Variants in CLCA4 observed in about 807,000 individuals in gnomAD.
CLCA4 encodes the protein calcium-activated chloride channel regulator 4.
CLCA4 carries 69 observed loss-of-function variants against 78.9 expected under a neutral mutation model. The observed-to-expected ratio is 0.87, with a 90% CI of 0.72 to 1.07. The LOEUF is 1.07. Among genes scored for constraint, CLCA4 ranks in the 50% least tolerant of loss-of-function variants. The pLI, the probability that CLCA4 is intolerant of heterozygous loss-of-function variation, is 0.00. For synonymous variants in CLCA4, 362 were observed against 375.8 expected (o/e 0.96, Z 0.42); for missense variants, 1,133 against 1,095.8 (o/e 1.03, Z -0.48).
Position 86,549,136 on chromosome 1 carries a change from G to C in CLCA4, c.159+1858G>C, listed in dbSNP as rs369937586. 2.6e-5 allele frequency among the ~76,000 whole-genome samples: 4 copies of C among 152,246 alleles called. No homozygotes were observed. The East Asian group carries it at 7.7e-4, about 29-fold the overall frequency. ...TGGAGTAAAACAAATCAGGAAGGGGGATATGGAGTGTTAGGTGGGGCTGGA... is the reference window on the plus strand; with the variant it reads ...TGGAGTAAAACAAATCAGGAAGGGGCATATGGAGTGTTAGGTGGGGCTGGA... On this transcript the variant is annotated intron_variant, in intron 1 of 13. Coordinates refer to ENST00000370563, the MANE Select transcript of CLCA4 (RefSeq NM_012128.4).
chr1:86,572,778 T>C (rs956207891), intron 9 of CLCA4, 58 bp downstream of exon 9: 4 of 985,654 alleles, frequency 4.1e-6, no homozygotes, highest in Non-Finnish European at 6.6e-6. Flanking sequence ...AAAAAACCAT[T>C]TGGTGGTTAT....
intron 9 of CLCA4, chr1:86,572,946 C>A: frequency 2.0e-6 from 1 of 503,956 alleles, no homozygotes; most frequent in South Asian, 2.2e-5. Flanking sequence ...TTTCCTATTG[C>A]CATGGGTTTG....
chr1:86,575,200 C>T, intron 10 of CLCA4, 132 bp from the exon 11 acceptor site: 1 of 755,450 alleles, frequency 1.3e-6, no homozygotes, highest in Non-Finnish European at 2.1e-6. Flanking sequence ...CAGCCCTTAC[C>T]CATTTATCCT....
rs1650685898 is a variant in CLCA4, at chr1:86,580,465, T to A, written c.*120T>A. 2 of 680,390 alleles carry A rather than the reference T, an allele frequency of 2.9e-6. No individual in the cohort carries two copies. Among genetic ancestry groups the A allele is most frequent in the Non-Finnish European group, 2.1e-6 (1 of 467,898 alleles). The allele number at this position is 680,390 out of a possible 1,614,324, so 42.1% of individuals were successfully genotyped here. On this transcript the variant is annotated 3_prime_UTR_variant, in exon 14 of 14. Transcript: ENST00000370563. ...CATCCCATGTGTGATCATAAACTCA[T>A]AAAAATAATTTTAAGATGTCGGAAA... is the stretch of plus-strand genomic sequence containing the variant.
intron 3 of CLCA4, among the ~76,000 whole-genome samples, chr1:86,561,080 GT>G (rs1650003005): frequency 1.3e-5 from 2 of 152,124 alleles, no homozygotes; most frequent in East Asian, 3.9e-4. Flanking sequence ...TTGAACACTC[GT>G]TAAGTCTCTT....
chr1:86,566,647 G>A (rs1452874496), intron 6 of CLCA4, among the ~76,000 whole-genome samples: 1 of 152,030 alleles, frequency 6.6e-6, no homozygotes, highest in African/African-American at 2.4e-5. Context: ...GCAGATAGTG[G>A]AGACAGCATG....
chr1:86,575,568 A>G lies in CLCA4; in HGVS notation c.1920A>G (p.Thr640=), dbSNP rs1042526455. The change falls in exon 11 of 14, where the codon ACA becomes ACG. Residue 640 remains threonine, a synonymous_variant. Transcript: ENST00000370563. ...TCATTGAATCACAGAATGGACATACAGAAGTTTTGGAACTTTTGGATAATG... is the reference window on the plus strand; with the variant it reads ...TCATTGAATCACAGAATGGACATACGGAAGTTTTGGAACTTTTGGATAATG... ...TAFIESQNGH[T]EVLELLDNGA... is the part of the protein sequence containing the mutation. The G allele has an allele frequency of 3.1e-6, 5 of 1,612,948 alleles. No homozygotes were observed. The Admixed American group carries it at 5.0e-5, about 16-fold the overall frequency.
intron 9 of CLCA4, 50 bp from the exon 10 acceptor site, chr1:86,574,490 A>G: frequency 1.4e-6 from 2 of 1,448,950 alleles, no homozygotes; most frequent in Non-Finnish European, 1.9e-6. Flanking sequence ...TGAAAAAAGA[A>G]TAAAATTACT....
chr1:86,564,242 T>G (rs2101802839), intron 4 of CLCA4, among the ~76,000 whole-genome samples: 1 of 152,304 alleles, frequency 6.6e-6, no homozygotes, highest in South Asian at 2.1e-4. Context: ...CTTTTGATTC[T>G]GTGATCAAAA....
chr1:86,552,174 G>GA (rs201245648), intron 1 of CLCA4, among the ~76,000 whole-genome samples: 3,238 of 152,154 alleles, frequency 0.021, 44 homozygotes, highest in Non-Finnish European at 0.032. Context: ...GAAAATAGCT[G>GA]AAAAAATCTA....
chr1:86,552,694 G>C (rs1242213775), intron 1 of CLCA4: 3 of 1,167,170 alleles, frequency 2.6e-6, no homozygotes, highest in African/African-American at 1.5e-5. Flanking sequence ...TGGGGCACGG[G>C]GTGACCGGAG....
chr1:86,574,714 A>C lies in CLCA4; in HGVS notation c.1642A>C (p.Thr548Pro). 6.2e-7 allele frequency: 1 copy of C among 1,613,292 alleles called. No individual in the cohort carries two copies. The change falls in exon 10 of 14, where the codon ACT becomes CCT. Residue 548 changes from threonine (T) to proline (P), a missense_variant. By Grantham distance (38) the Thr-to-Pro change is conservative (BLOSUM62 -1). Transcript: ENST00000370563. ...AATGGAAAATTTCACAGTGGATGCA[A>C]CTTCCAAAATGGCCTATCTCAGTAT... ...TIMENFTVDATSKMAYLSIPG... is the reference protein window; with the variant it reads ...TIMENFTVDAPSKMAYLSIPG...
chr1:86,562,093 C>T (rs1286360602), intron 3 of CLCA4, among the ~76,000 whole-genome samples: 2 of 152,066 alleles, frequency 1.3e-5, no homozygotes, highest in Admixed American at 1.3e-4. Context: ...GACACACACA[C>T]ACATGGTGCA....
At chr1:86,565,496 AT>A in intron 5 of CLCA4, 45 bp downstream of exon 5, 2 of 1,409,950 alleles carry the variant, frequency 1.4e-6, no homozygotes, top group Non-Finnish European at 1.9e-6. Flanking sequence ...ATCAAATGAC[AT>A]ATTGTCATGT....
intron 1 of CLCA4, among the ~76,000 whole-genome samples, chr1:86,559,427 C>T (rs563980728): frequency 8.5e-5 from 13 of 152,118 alleles, no homozygotes; most frequent in Admixed American, 2.6e-4. Context: ...CTGTTTTCTA[C>T]GAAGATTTCT....
Position 86,547,217 on chromosome 1 carries a change from A to T in CLCA4, c.98A>T (p.Asp33Val). 6.2e-7 allele frequency: 1 copy of T among 1,611,770 alleles called. No individual in the cohort carries two copies. The highest frequency in any genetic ancestry group is 8.5e-7 in the Non-Finnish European group (1 of 1,179,024). ...FIKLNNNGFE[D>V]IVIVIDPSVP... ...AAGCTGAATAATAATGGCTTTGAAGATATTGTCATTGTTATAGATCCTAGT... is the reference window on the plus strand; with the variant it reads ...AAGCTGAATAATAATGGCTTTGAAGTTATTGTCATTGTTATAGATCCTAGT... The change falls in exon 1 of 14, where the codon GAT (aspartate) becomes GTT (valine). Residue 33 changes from aspartate to valine, a missense_variant. Physicochemically the swap from Asp to Val is radical, Grantham distance 152. Coordinates refer to ENST00000370563, the MANE Select transcript of CLCA4 (RefSeq NM_012128.4).
At chr1:86,561,622 A>G (rs1650021264) in intron 3 of CLCA4, among the ~76,000 whole-genome samples, 2 of 152,108 alleles carry the variant, frequency 1.3e-5, no homozygotes, top group Non-Finnish European at 2.9e-5. Flanking sequence ...AATCCCATCA[A>G]TTAATGTCCT....
At chr1:86,558,790 C>G (rs1417440791) in intron 1 of CLCA4, among the ~76,000 whole-genome samples, 1 of 152,078 alleles carries the variant, frequency 6.6e-6, no homozygotes, top group Non-Finnish European at 1.5e-5. Flanking sequence ...CCACCTGGTC[C>G]CTTCCACAAC....
At position 86,560,430 on chromosome 1, in the gene CLCA4, A is replaced by G. The variant is rs188930874; in HGVS notation, c.448+72A>G. ...AACTTTTTATGCAGGTTAAGTGTGCAGGCCATGGGGCCAAAGTCCCTAGAA... is the reference window on the plus strand; with the variant it reads ...AACTTTTTATGCAGGTTAAGTGTGCGGGCCATGGGGCCAAAGTCCCTAGAA... On this transcript the variant is annotated intron_variant, in intron 3 of 13. Coordinates refer to ENST00000370563, the MANE Select transcript of CLCA4 (RefSeq NM_012128.4). The G allele has an allele frequency of 2.7e-6, 4 of 1,498,640 alleles. No individual in the cohort carries two copies. The Admixed American group carries it at 7.3e-5, about 27-fold the overall frequency. The allele number at this position is 1,498,640 out of a possible 1,614,324, so 92.8% of individuals were successfully genotyped here.
Sources: gnomAD v4.1 joint callset for allele counts (sites outside exome capture counted in the v4.1 genomes callset) on GRCh38, gnomAD v4.1.1 for gene constraint, MANE v1.5 for transcripts, NCBI Gene and HGNC (gene_info 2026-07-23, HGNC 2026-07-21) for gene names.